Variants in CELA2B observed in about 807,000 individuals in gnomAD.
CELA2B encodes chymotrypsin-like elastase family member 2B.
In CELA2B, 27 loss-of-function variants were observed where a neutral mutation model predicts 36.5. The observed-to-expected ratio is 0.74, with a 90% CI of 0.55 to 1.02. The LOEUF (loss-of-function observed/expected upper bound fraction) is 1.02, where lower values mean the gene tolerates loss of function less well. Ranked by LOEUF, CELA2B falls within the 50% of genes least tolerant of loss-of-function variation. The pLI is 0.00. For missense variants in CELA2B, 340 were observed against 347.8 expected (o/e 0.98, Z 0.18); for synonymous variants, 143 against 148.5 (o/e 0.96, Z 0.27).
In CELA2B at chr1:15,485,559, G is replaced by T. The variant is rs190966486; in HGVS notation, c.494-342G>T. Among the ~76,000 whole-genome samples, 244 of 152,366 alleles carry T rather than the reference G, an allele frequency of 1.6e-3. 1 individual carries two copies. The highest frequency in any genetic ancestry group is 5.7e-3 in the African/African-American group (237 of 41,588). ...CACTCACTGAGAAATTTCTTTCTTT[G>T]TGGGTCTACTTCATTCTTCTGCACA... On this transcript the variant is annotated intron_variant, in intron 5 of 7. Transcript: ENST00000375910.
rs141194336 is a variant in CELA2B, at chr1:15,487,349, G to A, written c.704G>A (p.Gly235Asp). The part of the protein sequence containing the change: ...SDGRWEVHGI[G>D]SLTSVLGCNY... Reference sequence around the variant, plus strand: ...GGCCGGTGGGAGGTGCATGGCATCGGCAGCCTCACGTCGGTCCTTGGTTGC... The same window carrying A: ...GGCCGGTGGGAGGTGCATGGCATCGACAGCCTCACGTCGGTCCTTGGTTGC... The change falls in exon 7 of 8, where the codon GGC becomes GAC. Residue 235 changes from glycine (G) to aspartate (D), a missense_variant. Transcript: ENST00000375910. The A allele has an allele frequency of 2.5e-6, 4 of 1,614,064 alleles. No homozygotes were observed. The highest frequency in any genetic ancestry group is 3.4e-6 in the Non-Finnish European group (4 of 1,180,036).
chr1:15,487,653 T>C (rs1380254914), intron 7 of CELA2B, among the ~76,000 whole-genome samples: 4 of 152,100 alleles, frequency 2.6e-5, no homozygotes, highest in Non-Finnish European at 5.9e-5. Flanking sequence ...AACATGAGAG[T>C]ATGGCCTTGT....
Position 15,482,244 on chromosome 1 carries a change from C to G in CELA2B, c.228-21C>G, listed in dbSNP as rs2103312893. 5 of 1,613,236 alleles carry G rather than the reference C, an allele frequency of 3.1e-6. No homozygotes were observed. In the East Asian group the frequency reaches 1.1e-4, roughly 36 times the overall value. ...CCAGGCCTCTGGAGGTGACCCTCTC[C>G]CTGGGACCCCTTTCTCCCAGCTCCT... On this transcript the variant is annotated intron_variant, in intron 3 of 7. Transcript: ENST00000375910.
rs746018902 is a variant in CELA2B at position 15,485,904 on chromosome 1, A to G, written c.497A>G (p.Asn166Ser). ...GCTTCTCTCTGGTCTCATTCAGCCAACGGGGCTCTCCCTGATGACCTGAAG... is the reference window on the plus strand; with the variant it reads ...GCTTCTCTCTGGTCTCATTCAGCCAGCGGGGCTCTCCCTGATGACCTGAAG... Reference protein sequence around the residue: ...YVTGWGRLQTNGALPDDLKQG... With the variant: ...YVTGWGRLQTSGALPDDLKQG... Residue 166 changes from asparagine (N) to serine (S), a missense_variant, in exon 6 of 8, where the codon AAC becomes AGC. Physicochemically the swap from Asn to Ser is conservative, Grantham distance 46 (BLOSUM62 1). Transcript: ENST00000375910. 1.2e-5 allele frequency: 20 copies of G among 1,614,050 alleles called. No homozygotes were observed. In the East Asian group the frequency reaches 1.3e-4, roughly 11 times the overall value.
intron 6 of CELA2B, among the ~76,000 whole-genome samples, chr1:15,486,430 G>A (rs1025211087): frequency 2.0e-5 from 3 of 152,176 alleles, no homozygotes; most frequent in Non-Finnish European, 4.4e-5. Context: ...AGTGAGCTGA[G>A]ATGATGCCAC....
chr1:15,487,999 C>G (rs976326647), intron 7 of CELA2B, among the ~76,000 whole-genome samples: 3 of 152,210 alleles, frequency 2.0e-5, no homozygotes, highest in Non-Finnish European at 4.4e-5. Context: ...AATGTAAACT[C>G]AGAGAGCTGT....
At chr1:15,477,112 T>C (rs1055944269) in intron 2 of CELA2B, among the ~76,000 whole-genome samples, 1 of 152,204 alleles carries the variant, frequency 6.6e-6, no homozygotes, top group Non-Finnish European at 1.5e-5. Flanking sequence ...ACTATAGTCT[T>C]ACTCTGTTAA....
In CELA2B at chr1:15,486,181, T is replaced by C. The variant is rs1708802576; in HGVS notation, c.639+135T>C. ...AAGCACCCGGAAATGGTACCAGATA[T>C]ATCAGAACCTGACCTTTGGCCAGGC... On this transcript the variant is annotated intron_variant, in intron 6 of 7. Coordinates refer to ENST00000375910, the MANE Select transcript of CELA2B (RefSeq NM_015849.3). 3 of 1,165,310 alleles carry C rather than the reference T, an allele frequency of 2.6e-6. No individual in the cohort carries two copies. The Admixed American group carries it at 6.8e-5, about 26-fold the overall frequency. The allele number at this position is 1,165,310 out of a possible 1,614,324, so 72.2% of individuals were successfully genotyped here.
intron 3 of CELA2B, chr1:15,481,559 C>T: frequency 4.0e-6 from 2 of 504,664 alleles, no homozygotes; most frequent in Admixed American, 2.3e-5. Flanking sequence ...AATGGAGTAA[C>T]AGAATTTAGT....
At chr1:15,484,809 A>G (rs1708784586) in intron 5 of CELA2B, among the ~76,000 whole-genome samples, 1 of 152,236 alleles carries the variant, frequency 6.6e-6, no homozygotes, top group African/African-American at 2.4e-5. Context: ...GAAGACTAAA[A>G]GAGGTGAAAG....
rs550716870 is a variant in CELA2B at position 15,476,504 on chromosome 1, C to G, written c.88C>G (p.Leu30Val). The stretch of plus-strand genomic sequence containing the variant: ...TTACGCGCCTGATATGTCTAGGATG[C>G]TTGGAGGTGAAGAAGCGAGGCCCAA... ...STYAPDMSRM[L>V]GGEEARPNSW... The change falls in exon 2 of 8, where the codon CTT becomes GTT. Residue 30 changes from leucine (L) to valine (V), a missense_variant. Coordinates refer to ENST00000375910, the MANE Select transcript of CELA2B (RefSeq NM_015849.3). 7.4e-6 allele frequency: 12 copies of G among 1,614,104 alleles called. No individual in the cohort carries two copies. The South Asian group carries it at 1.2e-4, about 16-fold the overall frequency.
In CELA2B at chr1:15,487,447, G is replaced by A. The variant is rs753714456; in HGVS notation, c.792+10G>A. Reference sequence around the variant, plus strand: ...CGACTGGATCAATTCGGTAAGAACCGGAGCAGCCCTGAGCCCCAAGGCACT... The same window carrying A: ...CGACTGGATCAATTCGGTAAGAACCAGAGCAGCCCTGAGCCCCAAGGCACT... On this transcript the variant is annotated intron_variant, in intron 7 of 7. Coordinates refer to ENST00000375910, the MANE Select transcript of CELA2B (RefSeq NM_015849.3). 61 of 1,613,962 alleles carry A rather than the reference G, an allele frequency of 3.8e-5. No homozygotes were observed. In the East Asian group the frequency reaches 7.1e-4, roughly 19 times the overall value.
intron 5 of CELA2B, among the ~76,000 whole-genome samples, chr1:15,483,734 C>G (rs1708771599): frequency 6.6e-6 from 1 of 152,148 alleles, no homozygotes; most frequent in Admixed American, 6.5e-5. Context: ...TTGAGAGCAG[C>G]CTGGCCAACA....
chr1:15,484,946 G>A (rs1708786150), intron 5 of CELA2B, among the ~76,000 whole-genome samples: 1 of 150,916 alleles, frequency 6.6e-6, no homozygotes, highest in Admixed American at 6.6e-5. Context: ...CGCCCAGGCT[G>A]GAGTGCAGTG....
At chr1:15,479,269 G>C (rs1290934435) in intron 2 of CELA2B, among the ~76,000 whole-genome samples, 1 of 152,184 alleles carries the variant, frequency 6.6e-6, no homozygotes, top group Non-Finnish European at 1.5e-5. Context: ...ACGTGGCCAG[G>C]CACAGTGGCT....
At chr1:15,484,881 G>A (rs1006997253) in intron 5 of CELA2B, among the ~76,000 whole-genome samples, 8 of 151,994 alleles carry the variant, frequency 5.3e-5, no homozygotes, top group African/African-American at 1.7e-4. Context: ...TAATTAGAAT[G>A]GTCTTAAGCA....
At position 15,476,178 on chromosome 1, in the gene CELA2B, A is replaced by C. The variant is rs770665535; in HGVS notation, c.40+13A>C. 11 of 1,613,980 alleles carry C rather than the reference A, an allele frequency of 6.8e-6. No individual in the cohort carries two copies. The highest frequency in any genetic ancestry group is 9.3e-6 in the Non-Finnish European group (11 of 1,180,020). ...TTGGTGGCTGGAGGTAAGTCCTGTC[A>C]CCCAGAGGCACTGGTTTCCCATCCC... is the stretch of plus-strand genomic sequence containing the variant. On this transcript the variant is annotated intron_variant, in intron 1 of 7. Coordinates refer to ENST00000375910, the MANE Select transcript of CELA2B (RefSeq NM_015849.3).
At chr1:15,483,613 T>A (rs578238645) in intron 5 of CELA2B, among the ~76,000 whole-genome samples, 3 of 152,358 alleles carry the variant, frequency 2.0e-5, no homozygotes, top group East Asian at 3.9e-4. Flanking sequence ...CTCTCCAAGC[T>A]GCACTTTTCT....
rs199863613 is a variant in CELA2B, at chr1:15,485,906, G to C, written c.499G>C (p.Gly167Arg). The C allele has an allele frequency of 1.9e-6, 3 of 1,614,018 alleles. No individual in the cohort carries two copies. Among genetic ancestry groups the C allele is most frequent in the Admixed American group, 3.3e-5 (2 of 59,998 alleles). ...VTGWGRLQTNGALPDDLKQGQ... is the reference protein window; with the variant it reads ...VTGWGRLQTNRALPDDLKQGQ... ...TTCTCTCTGGTCTCATTCAGCCAAC[G>C]GGGCTCTCCCTGATGACCTGAAGCA... The change falls in exon 6 of 8, where the codon GGG (glycine) becomes CGG (arginine). Residue 167 changes from glycine to arginine, a missense_variant. Physicochemically the swap from Gly to Arg is moderately radical, Grantham distance 125 (BLOSUM62 -2). Transcript: ENST00000375910.
Sources: allele counts gnomAD v4.1 joint callset (sites outside exome capture counted in the v4.1 genomes callset), GRCh38; gene constraint gnomAD v4.1.1; transcripts MANE v1.5; gene names NCBI Gene and HGNC (gene_info 2026-07-23, HGNC 2026-07-21).